Variants in FSTL4 observed in about 807,000 individuals in gnomAD.
FSTL4 encodes the protein follistatin like 4.
In FSTL4, 28 loss-of-function variants were observed where a neutral mutation model predicts 78.2. The ratio of observed to expected loss-of-function variants is 0.36; its 90% CI spans 0.27 to 0.49. The LOEUF is 0.49. FSTL4 is among the 20% of genes least tolerant of loss of function. FSTL4 has a pLI of 0.98. For missense variants in FSTL4, 922 were observed against 1,084.9 expected, an observed-to-expected ratio of 0.85 and a Z score of 2.11; for synonymous variants, 422 against 440.5, an observed-to-expected ratio of 0.96 and a Z score of 0.53.
intron 2 of FSTL4, among the ~76,000 whole-genome samples, chr5:133,580,903 G>A (rs1243183485): frequency 1.3e-5 from 2 of 152,008 alleles, no homozygotes; most frequent in Non-Finnish European, 2.9e-5. Flanking sequence ...CTCCACACCC[G>A]CCTCCTTCAA....
intron 3 of FSTL4, among the ~76,000 whole-genome samples, chr5:133,500,630 A>T (rs1456063703): frequency 1.3e-5 from 2 of 152,220 alleles, no homozygotes; most frequent in South Asian, 4.1e-4. Flanking sequence ...TGAAGGTGTT[A>T]ATTTTCCAAG....
chr5:133,523,183 T>A (rs1005609072), intron 3 of FSTL4, among the ~76,000 whole-genome samples: 1 of 152,166 alleles, frequency 6.6e-6, no homozygotes, highest in Non-Finnish European at 1.5e-5. Flanking sequence ...AAAGGCCATG[T>A]GAGGACACAG....
At chr5:133,266,048 C>G (rs368683039) in intron 6 of FSTL4, among the ~76,000 whole-genome samples, 1 of 152,190 alleles carries the variant, frequency 6.6e-6, no homozygotes, top group East Asian at 1.9e-4. Context: ...TGGCTAAGCC[C>G]TCGCTAAGGG....
intron 7 of FSTL4, among the ~76,000 whole-genome samples, chr5:133,235,504 A>AAC (rs1200825003): frequency 1.3e-5 from 2 of 150,684 alleles, no homozygotes; most frequent in Non-Finnish European, 3.0e-5. Context: ...ACCTCCAAAA[A>AAC]AAAAAAAAAA....
chr5:133,508,181 AT>A (rs1758650391), intron 3 of FSTL4, among the ~76,000 whole-genome samples: 1 of 152,206 alleles, frequency 6.6e-6, no homozygotes, highest in Non-Finnish European at 1.5e-5. Flanking sequence ...CCTCAAAGTG[AT>A]GAAAATTAAA....
At chr5:133,809,892 T>C in the FSTL4 span, among the ~76,000 whole-genome samples, 1 of 152,202 alleles carries the variant, frequency 6.6e-6, no homozygotes, top group Non-Finnish European at 1.5e-5. Flanking sequence ...GCACCTGCTA[T>C]TTTCCAGGCC....
At chr5:133,482,936 G>A (rs1758059422) in intron 3 of FSTL4, among the ~76,000 whole-genome samples, 1 of 152,166 alleles carries the variant, frequency 6.6e-6, no homozygotes, top group African/African-American at 2.4e-5. Context: ...AGGCTGTCAT[G>A]GACCAAAGCC....
chr5:133,836,854 T>A, the FSTL4 span, among the ~76,000 whole-genome samples: 1,854 of 152,306 alleles, frequency 0.012, 40 homozygotes, highest in South Asian at 0.067. Flanking sequence ...TTGTCCTTTT[T>A]TCCTCTGAAT....
the FSTL4 span, among the ~76,000 whole-genome samples, chr5:133,699,609 C>A: frequency 1.3e-5 from 2 of 152,128 alleles, no homozygotes; most frequent in African/African-American, 4.8e-5. Flanking sequence ...TGGCCGGGCG[C>A]GGTGGCTCAC....
chr5:133,832,593 G>A, the FSTL4 span, among the ~76,000 whole-genome samples: 3 of 152,188 alleles, frequency 2.0e-5, no homozygotes, highest in Admixed American at 6.5e-5. Flanking sequence ...TCTGCCCATG[G>A]GCAAGTCCAT....
In FSTL4 at chr5:133,316,524, C is replaced by T. The variant is rs759427265; in HGVS notation, c.538G>A (p.Glu180Lys). 1.2e-6 allele frequency: 2 copies of T among 1,614,150 alleles called. No individual in the cohort carries two copies. Among genetic ancestry groups the T allele is most frequent in the East Asian group, 4.5e-5 (2 of 44,874 alleles). ...DPASQKRLLV[E>K]SLFRDLDADG... ...GCATCTAAGTCCCTGAACAGAGATT[C>T]CACCAGGAGGCGCTTCTGGGAGGCA... The change falls in exon 5 of 16, where the codon GAA (glutamate) becomes AAA (lysine). Residue 180 changes from glutamate to lysine, a missense_variant. Transcript: ENST00000265342.
intron 3 of FSTL4, among the ~76,000 whole-genome samples, chr5:133,471,083 A>G (rs1580730279): frequency 6.6e-6 from 1 of 152,376 alleles, no homozygotes; most frequent in East Asian, 1.9e-4. Flanking sequence ...AAGGAACCAC[A>G]AAGTCAGACA....
the FSTL4 span, among the ~76,000 whole-genome samples, chr5:133,665,049 A>G: frequency 2.6e-5 from 4 of 152,176 alleles, no homozygotes; most frequent in Non-Finnish European, 5.9e-5. Flanking sequence ...AAAATTGTCC[A>G]TGAGCATAGG....
the FSTL4 span, among the ~76,000 whole-genome samples, chr5:133,706,446 A>G: frequency 6.6e-6 from 1 of 152,202 alleles, no homozygotes; most frequent in Non-Finnish European, 1.5e-5. Context: ...GAGTTGCTTA[A>G]CTAGAATTAC....
intron 10 of FSTL4, among the ~76,000 whole-genome samples, chr5:133,224,870 G>T (rs1751274906): frequency 6.6e-6 from 1 of 152,162 alleles, no homozygotes; most frequent in African/African-American, 2.4e-5. Flanking sequence ...AAAAAGCAGA[G>T]CTGGGACTCG....
At chr5:133,527,428 C>T (rs1444776836) in intron 3 of FSTL4, among the ~76,000 whole-genome samples, 1 of 152,150 alleles carries the variant, frequency 6.6e-6, no homozygotes, top group Non-Finnish European at 1.5e-5. Context: ...TCTGTTCTCT[C>T]AGCCTCTCAG....
At chr5:133,277,685 C>T (rs1008786586) in intron 6 of FSTL4, among the ~76,000 whole-genome samples, 4 of 152,146 alleles carry the variant, frequency 2.6e-5, no homozygotes, top group East Asian at 3.9e-4. Flanking sequence ...CCTGACTTGC[C>T]CCTTGGGGTG....
At chr5:133,834,793 G>C in the FSTL4 span, among the ~76,000 whole-genome samples, 1 of 151,968 alleles carries the variant, frequency 6.6e-6, no homozygotes, top group South Asian at 2.1e-4. Context: ...TTCTAAGTTA[G>C]CTATCAAATA....
At chr5:133,804,942 CAAAAA>C in the FSTL4 span, among the ~76,000 whole-genome samples, 5 of 94,518 alleles carry the variant, frequency 5.3e-5, no homozygotes, top group African/African-American at 9.1e-5. Context: ...GACTCCGTCT[CAAAAA>C]AAAAAAAAAA....
Sources: gnomAD v4.1 joint callset for allele counts (sites outside exome capture counted in the v4.1 genomes callset) on GRCh38, gnomAD v4.1.1 for gene constraint, MANE v1.5 for transcripts, NCBI Gene and HGNC (gene_info 2026-07-23, HGNC 2026-07-21) for gene names.